Variants in OR4K1 observed in about 807,000 individuals in gnomAD.
OR4K1 encodes olfactory receptor family 4 subfamily K member 1.
A neutral mutation model predicts 14.4 loss-of-function variants in OR4K1; 16 were observed. The observed-to-expected ratio is 1.11, with a 90% CI of 0.75 to 1.68. OR4K1 has a LOEUF of 1.68. Ranked by LOEUF, OR4K1 falls within the 40% of genes most tolerant of loss-of-function variation. OR4K1 has a pLI of 0.00. For synonymous variants in OR4K1, 181 were observed against 133.1 expected (o/e 1.36, Z -2.48); for missense variants, 548 against 376.9 (o/e 1.45, Z -3.76).
At chr14:19,929,212 T>C (rs1882129380), upstream of OR4K1, among the ~76,000 whole-genome samples, 1 of 149,918 alleles carries the variant, frequency 6.7e-6, no homozygotes. Flanking sequence ...TAATCTACAT[T>C]TCTTTAAATT....
chr14:19,922,754 G>A, the OR4K1 span, among the ~76,000 whole-genome samples: 10 of 151,732 alleles, frequency 6.6e-5, no homozygotes, highest in African/African-American at 1.9e-4. Flanking sequence ...GACCTCTTCC[G>A]TCACTTCAAA....
the OR4K1 span, chr14:19,921,249 G>A: frequency 6.2e-7 from 1 of 1,614,070 alleles, no homozygotes; most frequent in Non-Finnish European, 8.5e-7. Context: ...CTCTCTCTTG[G>A]TCAGCTCCTA....
chr14:19,935,895 G>GC lies in OR4K1; in HGVS notation c.231dup (p.Thr78HisfsTer11). The GC allele has an allele frequency of 6.2e-7, 1 of 1,614,210 alleles. No individual in the cohort carries two copies. Among genetic ancestry groups the GC allele is most frequent in the Non-Finnish European group, 8.5e-7 (1 of 1,180,034 alleles). ...CATTGATATCTGTCAGTCTAACTTT[G>GC]CCACCCCCAAGATGCTTGTAGACTT... On this transcript the variant is annotated frameshift_variant, in exon 2 of 2. Transcript: ENST00000641172. LOFTEE classifies it high-confidence loss of function.
At chr14:19,923,097 G>A in the OR4K1 span, among the ~76,000 whole-genome samples, 1 of 152,120 alleles carries the variant, frequency 6.6e-6, no homozygotes, top group Non-Finnish European at 1.5e-5. Context: ...GTACATTTTG[G>A]GAGCTAGGCA....
upstream of OR4K1, among the ~76,000 whole-genome samples, chr14:19,926,179 G>A (rs1882060196): frequency 6.6e-6 from 1 of 152,222 alleles, no homozygotes; most frequent in Non-Finnish European, 1.5e-5. Context: ...AGTACATGAA[G>A]GATATAATAA....
chr14:19,932,340 TC>T (rs1388498388), intron 1 of OR4K1, among the ~76,000 whole-genome samples: 15 of 152,082 alleles, frequency 9.9e-5, no homozygotes, highest in East Asian at 7.7e-4. Context: ...TTCTTCCTCC[TC>T]CTCCTCCTCC....
At chr14:19,934,272 T>C (rs1419435755) in intron 1 of OR4K1, among the ~76,000 whole-genome samples, 1 of 152,262 alleles carries the variant, frequency 6.6e-6, no homozygotes, top group East Asian at 1.9e-4. Flanking sequence ...TGGCCACATG[T>C]ATTAAGCAAA....
chr14:19,936,522 A>G lies in OR4K1; in HGVS notation c.856A>G (p.Ile286Val), dbSNP rs765971674. 1.2e-6 allele frequency: 2 copies of G among 1,613,658 alleles called. No homozygotes were observed. The highest frequency in any genetic ancestry group is 2.2e-5 in the East Asian group (1 of 44,888). Residue 286 changes from isoleucine to valine, a missense_variant, in exon 2 of 2, where the codon ATC (isoleucine) becomes GTC (valine). Physicochemically the swap from Ile to Val is conservative, Grantham distance 29. Transcript: ENST00000641172. ...TTGTACTCCCTTGTTGAACCCCATC[A>G]TCTACTCTCTGAGGAATGAAGATGT... ...TVCTPLLNPI[I>V]YSLRNEDVKA...
upstream of OR4K1, among the ~76,000 whole-genome samples, chr14:19,926,609 C>T (rs4143874): frequency 0.76 from 115,286 of 151,680 alleles, 40,086 homozygotes; most frequent in East Asian, 0.81. Flanking sequence ...GCACAGTTCT[C>T]TCAAGATCAT....
At chr14:19,920,603 A>G in the OR4K1 span, 35 of 1,594,996 alleles carry the variant, frequency 2.2e-5, no homozygotes, top group Non-Finnish European at 2.7e-5. Flanking sequence ...TGCAGCTTGG[A>G]ACCATGGATA....
the OR4K1 span, chr14:19,921,230 A>G: frequency 1.9e-6 from 3 of 1,614,174 alleles, no homozygotes; most frequent in Non-Finnish European, 2.5e-6. Flanking sequence ...TTCTTTCCCT[A>G]AGCACTTTCT....
chr14:19,927,742 G>T (rs1882092300), upstream of OR4K1, among the ~76,000 whole-genome samples: 1 of 152,190 alleles, frequency 6.6e-6, no homozygotes, highest in Non-Finnish European at 1.5e-5. Flanking sequence ...TCTGAAGGGG[G>T]GGTAGTGATT....
At position 19,936,337 on chromosome 14, in the gene OR4K1, G is replaced by C; in HGVS notation, c.671G>C (p.Gly224Ala). 3.1e-6 allele frequency: 5 copies of C among 1,614,244 alleles called. No homozygotes were observed. Among genetic ancestry groups the C allele is most frequent in the Non-Finnish European group, 4.2e-6 (5 of 1,180,044 alleles). ...ATTTCCTACACCATCATTTTGATCG[G>C]TGTCCGATGCAGGTCCTCCAGTGGG... ...LIISYTIILI[G>A]VRCRSSSGSS... The change falls in exon 2 of 2, where the codon GGT becomes GCT. Residue 224 changes from glycine (G) to alanine (A), a missense_variant. Coordinates refer to ENST00000641172, the MANE Select transcript of OR4K1 (RefSeq NM_001004063.3).
chr14:19,920,996 A>G, the OR4K1 span: 5 of 1,614,170 alleles, frequency 3.1e-6, no homozygotes, highest in Non-Finnish European at 4.2e-6. Flanking sequence ...GCAAACCCTT[A>G]TACTATGTGG....
rs762489198 is a variant in OR4K1 at position 19,935,677 on chromosome 14, C to T, written c.11C>T (p.Thr4Ile). The T allele has an allele frequency of 1.9e-6, 3 of 1,596,958 alleles. No individual in the cohort carries two copies. The highest frequency in any genetic ancestry group is 2.6e-6 in the Non-Finnish European group (3 of 1,174,020). ...CTGAATATTGGATACATGGCTCACA[C>T]AAATGAATCGATGGTGTCTGAGTTT... The part of the protein sequence containing the change: MAH[T>I]NESMVSEFVL... The change falls in exon 2 of 2, where the codon ACA becomes ATA. Residue 4 changes from threonine to isoleucine, a missense_variant. Coordinates refer to ENST00000641172, the MANE Select transcript of OR4K1 (RefSeq NM_001004063.3).
chr14:19,934,820 A>G (rs1423465425), intron 1 of OR4K1, among the ~76,000 whole-genome samples: 2 of 152,036 alleles, frequency 1.3e-5, no homozygotes, highest in African/African-American at 2.4e-5. Flanking sequence ...ACAGGTGCCC[A>G]CCACCACGCC....
Position 19,936,111 on chromosome 14 carries a change from T to G in OR4K1, c.445T>G (p.Trp149Gly). Residue 149 changes from tryptophan (W) to glycine (G), a missense_variant, in exon 2 of 2, where the codon TGG becomes GGG. Trp to Gly is a radical substitution (Grantham distance 184). Coordinates refer to ENST00000641172, the MANE Select transcript of OR4K1 (RefSeq NM_001004063.3). ...CTGTGTAATTTTTGTGTCTATTTCC[T>G]GGGCGGTGGGCGTTCTTCATTCTGT... ...RLCVIFVSIS[W>G]AVGVLHSVSH... 6.2e-7 allele frequency: 1 copy of G among 1,614,248 alleles called. No individual in the cohort carries two copies. The highest frequency in any genetic ancestry group is 8.5e-7 in the Non-Finnish European group (1 of 1,180,038).
At position 19,936,333 on chromosome 14, in the gene OR4K1, A is replaced by T; in HGVS notation, c.667A>T (p.Ile223Phe). The stretch of plus-strand genomic sequence containing the variant: ...AATTATTTCCTACACCATCATTTTG[A>T]TCGGTGTCCGATGCAGGTCCTCCAG... ...ALIISYTIIL[I>F]GVRCRSSSGS... Residue 223 changes from isoleucine (I) to phenylalanine (F), a missense_variant, in exon 2 of 2, where the codon ATC (isoleucine) becomes TTC (phenylalanine). Coordinates refer to ENST00000641172, the MANE Select transcript of OR4K1 (RefSeq NM_001004063.3). The T allele has an allele frequency of 6.2e-7, 1 of 1,614,240 alleles. No individual in the cohort carries two copies. The highest frequency in any genetic ancestry group is 8.5e-7 in the Non-Finnish European group (1 of 1,180,042).
At chr14:19,932,973 T>C (rs1030967827) in intron 1 of OR4K1, among the ~76,000 whole-genome samples, 3 of 62,770 alleles carry the variant, frequency 4.8e-5, no homozygotes, top group East Asian at 5.2e-4. Flanking sequence ...ATAACACTTA[T>C]AAATATATAT....
Sources: allele counts gnomAD v4.1 joint callset (sites outside exome capture counted in the v4.1 genomes callset), GRCh38; gene constraint gnomAD v4.1.1; transcripts MANE v1.5; gene names NCBI Gene and HGNC (gene_info 2026-07-23, HGNC 2026-07-21).